FBXL17: variants seen among roughly 807,000 people sequenced by gnomAD.
The protein encoded by FBXL17 is F-box and leucine rich repeat protein 17.
Under a neutral mutation model 66.2 loss-of-function variants are expected in FBXL17, and 22 were observed. The observed-to-expected ratio is 0.33, with a 90% CI of 0.24 to 0.47. FBXL17 has a LOEUF of 0.47. Ranked by LOEUF, FBXL17 falls within the 20% of genes least tolerant of loss-of-function variation. The pLI, the probability that FBXL17 is intolerant of heterozygous loss-of-function variation, is 1.00. For synonymous variants in FBXL17, 474 were observed against 400.5 expected, an observed-to-expected ratio of 1.18 and a Z score of -2.19; for missense variants, 878 against 948.2, an observed-to-expected ratio of 0.93 and a Z score of 0.97.
intron 4 of FBXL17, among the ~76,000 whole-genome samples, chr5:108,253,223 T>C (rs1168952801): frequency 1.3e-5 from 2 of 152,176 alleles, no homozygotes; most frequent in Non-Finnish European, 2.9e-5. Flanking sequence ...ACAGAAAAGG[T>C]ACTTTATTCT....
chr5:108,149,112 ACT>A (rs543632317), intron 6 of FBXL17, among the ~76,000 whole-genome samples: 2 of 152,266 alleles, frequency 1.3e-5, no homozygotes, highest in South Asian at 4.1e-4. Context: ...TCTTTCCACC[ACT>A]GTTTTGTGAA....
intron 4 of FBXL17, among the ~76,000 whole-genome samples, chr5:108,243,722 A>G (rs185896302): frequency 6.6e-6 from 1 of 152,362 alleles, no homozygotes; most frequent in Admixed American, 6.5e-5. Context: ...TAAAAAAGAA[A>G]TGTACAAGAG....
At chr5:108,099,896 A>T (rs1749536222) in intron 6 of FBXL17, among the ~76,000 whole-genome samples, 1 of 152,222 alleles carries the variant, frequency 6.6e-6, no homozygotes, top group Non-Finnish European at 1.5e-5. Flanking sequence ...ATGGTATGAT[A>T]AATCATAACC....
intron 1 of FBXL17, among the ~76,000 whole-genome samples, chr5:108,375,104 A>C (rs954789342): frequency 1.3e-5 from 2 of 152,196 alleles, no homozygotes; most frequent in African/African-American, 4.8e-5. Context: ...CTATAATCCC[A>C]GCACTTTGGG....
chr5:108,188,162 TCA>T (rs1753315716), intron 5 of FBXL17, among the ~76,000 whole-genome samples: 1 of 152,054 alleles, frequency 6.6e-6, no homozygotes, highest in South Asian at 2.1e-4. Context: ...CAGGCAGTAC[TCA>T]CACTCTTTCC....
At chr5:108,304,207 T>G (rs1055198502) in intron 4 of FBXL17, among the ~76,000 whole-genome samples, 9 of 152,018 alleles carry the variant, frequency 5.9e-5, no homozygotes, top group African/African-American at 2.2e-4. Flanking sequence ...ATGAAAATTT[T>G]TATCTACTAC....
chr5:108,111,308 ATTGT>A (rs1270011321), intron 6 of FBXL17, among the ~76,000 whole-genome samples: 1 of 152,184 alleles, frequency 6.6e-6, no homozygotes, highest in Non-Finnish European at 1.5e-5. Context: ...GTATTTTTCA[ATTGT>A]TTGATATGAT....
At position 108,380,967 on chromosome 5, in the gene FBXL17, G is replaced by T. The variant is rs551111236; in HGVS notation, c.725C>A (p.Pro242His). The T allele has an allele frequency of 4.9e-6, 6 of 1,219,674 alleles. No homozygotes were observed. Among genetic ancestry groups the T allele is most frequent in the Non-Finnish European group, 6.1e-6 (6 of 979,542 alleles). 75.6% of individuals were successfully genotyped at this position (1,219,674 alleles called of 1,614,324 possible). Residue 242 changes from proline to histidine, a missense_variant, in exon 1 of 9, where the codon CCC becomes CAC. Pro to His is a moderately conservative substitution (Grantham distance 77). Around this residue, in one of 4 missense-constraint regions of FBXL17, gnomAD observed 605 missense variants for 509.5 expected, o/e 1.19. Coordinates refer to ENST00000542267, the MANE Select transcript of FBXL17 (RefSeq NM_001163315.3). ...GGCCTGGCAGCAGCCGGCGTCGGGG[G>T]GCCGGGGCGGCGAAGCGCCTCCCCC... ...PAGGGASPPR[P>H]PDAGCCQAPE...
intron 7 of FBXL17, among the ~76,000 whole-genome samples, chr5:107,980,476 C>G (rs965178577): frequency 6.7e-6 from 1 of 149,168 alleles, no homozygotes; most frequent in Non-Finnish European, 1.5e-5. Context: ...GCTGGGACTA[C>G]AAGCTCATGC....
At chr5:108,314,694 G>A (rs1332908275) in intron 4 of FBXL17, among the ~76,000 whole-genome samples, 1 of 151,390 alleles carries the variant, frequency 6.6e-6, no homozygotes, top group Non-Finnish European at 1.5e-5. Flanking sequence ...ACTTCTAAGA[G>A]TGATGATGAA....
At chr5:108,296,821 T>C (rs1356957654) in intron 4 of FBXL17, among the ~76,000 whole-genome samples, 1 of 151,610 alleles carries the variant, frequency 6.6e-6, no homozygotes, top group Admixed American at 6.6e-5. Context: ...ACAGTATCCA[T>C]TTCAAACAAA....
At chr5:108,234,819 T>C (rs1755525622) in intron 4 of FBXL17, among the ~76,000 whole-genome samples, 1 of 151,958 alleles carries the variant, frequency 6.6e-6, no homozygotes, top group Admixed American at 6.6e-5. Context: ...TATAAAACCA[T>C]AAAAGTAGTA....
intron 4 of FBXL17, among the ~76,000 whole-genome samples, chr5:108,253,767 T>A (rs1756459453): frequency 1.3e-5 from 2 of 152,102 alleles, no homozygotes; most frequent in African/African-American, 4.8e-5. Flanking sequence ...CCAAGGTGGA[T>A]GGATGGCTTA....
chr5:107,945,656 CA>C (rs1259919350), intron 7 of FBXL17, among the ~76,000 whole-genome samples: 7 of 152,080 alleles, frequency 4.6e-5, no homozygotes, highest in Non-Finnish European at 1.0e-4. Flanking sequence ...CATAAAATTT[CA>C]AAATCTGCAA....
At chr5:108,158,741 T>C (rs908223465) in intron 6 of FBXL17, among the ~76,000 whole-genome samples, 5 of 152,192 alleles carry the variant, frequency 3.3e-5, no homozygotes, top group Admixed American at 6.5e-5. Context: ...AGTCACTGAT[T>C]ATGCAGATAA....
chr5:108,380,914 G>T lies in FBXL17; in HGVS notation c.778C>A (p.Pro260Thr). ...TCGGAGGTGGGAGAAGAGGGCGGAG[G>T]GCAGAGCGGCTGCGGGGGCTGCTCC... is the stretch of plus-strand genomic sequence containing the variant. ...APEQPPQPLC[P>T]PPSSPTSEGA... The change falls in exon 1 of 9, where the codon CCT becomes ACT. Residue 260 changes from proline to threonine, a missense_variant. This residue lies in a region of FBXL17 where 605 missense variants were observed against 509.5 expected (regional missense o/e 1.19). Transcript: ENST00000542267. 1 of 1,227,364 alleles carries T rather than the reference G, an allele frequency of 8.1e-7. No individual in the cohort carries two copies. The allele number at this position is 1,227,364 out of a possible 1,614,324, so 76.0% of individuals were successfully genotyped here. A position where few individuals can be genotyped will look rare whatever the true frequency, so the allele number is the denominator to read the frequency against.
At chr5:108,254,880 A>G (rs1756508257) in intron 4 of FBXL17, among the ~76,000 whole-genome samples, 1 of 152,222 alleles carries the variant, frequency 6.6e-6, no homozygotes. Flanking sequence ...TAAACTGCCT[A>G]TCTACATACA....
At chr5:108,257,919 A>G (rs1756644793) in intron 4 of FBXL17, among the ~76,000 whole-genome samples, 2 of 152,162 alleles carry the variant, frequency 1.3e-5, no homozygotes, top group South Asian at 4.1e-4. Context: ...TTATGTTTGC[A>G]TCAACCTGCA....
intron 4 of FBXL17, chr5:108,301,904 A>G (rs1580775645): frequency 1.1e-5 from 4 of 362,910 alleles, no homozygotes; most frequent in Non-Finnish European, 1.5e-5. Context: ...AATGAAATCC[A>G]GATATGTCTC....
Sources: allele counts gnomAD v4.1 joint callset (sites outside exome capture counted in the v4.1 genomes callset), GRCh38; gene constraint gnomAD v4.1.1; regional missense constraint gnomAD v4.1.1; transcripts MANE v1.5; gene names NCBI Gene and HGNC (gene_info 2026-07-23, HGNC 2026-07-21).